Variants in CLASP1 observed in about 807,000 individuals in gnomAD.
CLASP1 encodes cytoplasmic linker associated protein 1, also known as CLIP-associating protein 1.
CLASP1 carries 38 observed loss-of-function variants against 192.3 expected under a neutral mutation model. That is an observed-to-expected ratio of 0.20 (90% CI 0.15 to 0.26). The LOEUF (loss-of-function observed/expected upper bound fraction) is 0.26, where lower values mean the gene tolerates loss of function less well. CLASP1 is among the 10% of genes least tolerant of loss of function. The pLI, the probability that CLASP1 is intolerant of heterozygous loss-of-function variation, is 1.00. For synonymous variants in CLASP1, 691 were observed against 712.8 expected, an observed-to-expected ratio of 0.97 and a Z score of 0.49; for missense variants, 1,433 against 1,932.5, an observed-to-expected ratio of 0.74 and a Z score of 4.85.
At chr2:121,350,940 A>C (rs1045419867) in intron 37 of CLASP1, among the ~76,000 whole-genome samples, 2 of 152,264 alleles carry the variant, frequency 1.3e-5, no homozygotes, top group Non-Finnish European at 2.9e-5. Context: ...TGCAGTTTTT[A>C]CCATTACAAT....
chr2:121,430,018 G>GA, intron 20 of CLASP1, 55 bp downstream of exon 20: 2 of 1,296,662 alleles, frequency 1.5e-6, no homozygotes, highest in South Asian at 2.6e-5. Flanking sequence ...TTCAACTGCA[G>GA]AATGAGCTGT....
At chr2:121,578,076 G>A (rs188494507) in intron 2 of CLASP1, among the ~76,000 whole-genome samples, 1 of 152,114 alleles carries the variant, frequency 6.6e-6, no homozygotes, top group East Asian at 1.9e-4. Flanking sequence ...GGAGTTATGG[G>A]CACCTGCCAC....
intron 2 of CLASP1, among the ~76,000 whole-genome samples, chr2:121,549,992 C>A (rs2057875894): frequency 7.5e-6 from 1 of 132,692 alleles, no homozygotes; most frequent in African/African-American, 2.9e-5. Context: ...GGTGACAGAG[C>A]ACGACTCCGT....
chr2:121,433,189 G>A (rs934172331), intron 19 of CLASP1, among the ~76,000 whole-genome samples: 2 of 152,030 alleles, frequency 1.3e-5, no homozygotes, highest in South Asian at 2.1e-4. Flanking sequence ...GGGCATGGTG[G>A]CGCATGTCTG....
exon 35 of CLASP1, chr2:121,367,721 C>T (rs776920291): frequency 1.2e-6 from 2 of 1,614,000 alleles, no homozygotes; most frequent in South Asian, 2.2e-5. Context: ...CGCGCGGAGG[C>T]TGGGTGTTGA....
intron 1 of CLASP1, among the ~76,000 whole-genome samples, chr2:121,645,121 T>C (rs2072937973): frequency 6.6e-6 from 1 of 152,184 alleles, no homozygotes; most frequent in South Asian, 2.1e-4. Context: ...GCCCCTGAAG[T>C]GCAGGGGCCA....
intron 8 of CLASP1, among the ~76,000 whole-genome samples, chr2:121,500,376 GAAAGAAAGAAAGAAAGAA>G (rs2093702261): frequency 1.1e-5 from 1 of 94,672 alleles, no homozygotes; most frequent in Non-Finnish European, 2.0e-5. Flanking sequence ...AAGAAAGAAA[GAAAGAAAGAAAGAAAGAA>G]AGAAAAGAAA....
intron 1 of CLASP1, among the ~76,000 whole-genome samples, chr2:121,636,899 A>AT (rs34882163): frequency 0.11 from 16,723 of 152,066 alleles, 1,126 homozygotes; most frequent in African/African-American, 0.18. Context: ...TCAACCAGTA[A>AT]TTTTTTAAGA....
At chr2:121,367,515 G>A in intron 35 of CLASP1, 73 bp downstream of exon 36, 1 of 1,587,880 alleles carries the variant, frequency 6.3e-7, no homozygotes, top group East Asian at 2.2e-5. Context: ...CAGTGGGCCT[G>A]GTGCTGGCCA....
chr2:121,454,266 CATT>C (rs2086176622), intron 14 of CLASP1, among the ~76,000 whole-genome samples: 1 of 151,856 alleles, frequency 6.6e-6, no homozygotes, highest in African/African-American at 2.4e-5. Flanking sequence ...ATGGGGCCCT[CATT>C]ATGAGATTAG....
chr2:121,582,547 A>AAAAGAGGG (rs781627619), intron 2 of CLASP1, among the ~76,000 whole-genome samples: 1 of 151,530 alleles, frequency 6.6e-6, no homozygotes, highest in Non-Finnish European at 1.5e-5. Flanking sequence ...AGAAAGGCAG[A>AAAAGAGGG]AAAGAGGGAA....
chr2:121,458,478 T>C (rs1234975569), intron 13 of CLASP1, among the ~76,000 whole-genome samples: 1 of 152,176 alleles, frequency 6.6e-6, no homozygotes, highest in Non-Finnish European at 1.5e-5. Context: ...CAAGCACCAA[T>C]ACCTAAAACG....
chr2:121,393,151 G>A (rs2074671275), intron 30 of CLASP1, among the ~76,000 whole-genome samples: 1 of 152,174 alleles, frequency 6.6e-6, no homozygotes, highest in Non-Finnish European at 1.5e-5. Flanking sequence ...TATGTTGTCT[G>A]AAAAGTCCCC....
intron 2 of CLASP1, among the ~76,000 whole-genome samples, chr2:121,536,372 C>A (rs1046821761): frequency 1.0e-5 from 1 of 97,770 alleles, no homozygotes; most frequent in East Asian, 2.7e-4. Flanking sequence ...CAGAGCAAGA[C>A]TGTCTGAAAA....
intron 37 of CLASP1, among the ~76,000 whole-genome samples, chr2:121,360,828 A>G (rs746888749): frequency 4.6e-5 from 7 of 152,334 alleles, no homozygotes; most frequent in Middle Eastern, 3.4e-3. Context: ...ACAAGTCAGT[A>G]ACAGCAGCAT....
At chr2:121,640,263 T>C (rs1260058380) in intron 1 of CLASP1, among the ~76,000 whole-genome samples, 1 of 152,136 alleles carries the variant, frequency 6.6e-6, no homozygotes, top group Admixed American at 6.5e-5. Flanking sequence ...GAGAAATACC[T>C]AATGTAAATG....
intron 35 of CLASP1, among the ~76,000 whole-genome samples, chr2:121,366,684 T>G (rs1236843143): frequency 3.3e-5 from 5 of 152,232 alleles, no homozygotes; most frequent in African/African-American, 4.8e-5. Context: ...TTAGTGAATG[T>G]TAACTATTTA....
intron 2 of CLASP1, among the ~76,000 whole-genome samples, chr2:121,570,547 CCATGCATCCTCTCT>C (rs1275923488): frequency 6.6e-6 from 1 of 152,218 alleles, no homozygotes; most frequent in Non-Finnish European, 1.5e-5. Flanking sequence ...TTTCAGCCTA[CCATGCATCCTCTCT>C]CACAGCAAGC....
chr2:121,521,819 T>C (rs1416769922), intron 6 of CLASP1, among the ~76,000 whole-genome samples: 1 of 152,132 alleles, frequency 6.6e-6, no homozygotes, highest in Non-Finnish European at 1.5e-5. Flanking sequence ...GGTGTCTAAG[T>C]GCAGAGACAA....
Sources: gnomAD v4.1 joint callset for allele counts (sites outside exome capture counted in the v4.1 genomes callset) on GRCh38, gnomAD v4.1.1 for gene constraint, MANE v1.5 for transcripts, NCBI Gene and HGNC (gene_info 2026-07-23, HGNC 2026-07-21) for gene names.